The following PRKG1 variants were observed in gnomAD, a reference collection of about 807,000 sequenced individuals.
The protein encoded by PRKG1 is cGMP-dependent protein kinase 1.
In PRKG1, 35 loss-of-function variants were observed where a neutral mutation model predicts 88.1. The observed-to-expected ratio is 0.40, with a 90% CI of 0.30 to 0.53. The LOEUF (loss-of-function observed/expected upper bound fraction) is 0.53, where lower values mean the gene tolerates loss of function less well. Among genes scored for constraint, PRKG1 ranks in the 20% least tolerant of loss-of-function variants. The probability of loss-of-function intolerance (pLI) is 0.59; values close to 1 mark genes in which losing one functional copy is unlikely to be tolerated. For synonymous variants in PRKG1, 303 were observed against 292.5 expected (o/e 1.04, Z -0.37); for missense variants, 540 against 839.8 (o/e 0.64, Z 4.41).
At chr10:51,535,816 C>T (rs1365955828) in intron 3 of PRKG1, among the ~76,000 whole-genome samples, 2 of 151,166 alleles carry the variant, frequency 1.3e-5, no homozygotes, top group Admixed American at 6.6e-5. Context: ...CTCCGCCTCC[C>T]GGTTCAAGCA....
chr10:51,272,166 C>T (rs1839996725), intron 2 of PRKG1, among the ~76,000 whole-genome samples: 1 of 152,134 alleles, frequency 6.6e-6, no homozygotes, highest in African/African-American at 2.4e-5. Context: ...CTCTAATGAC[C>T]AGTGATGATT....
intron 2 of PRKG1, among the ~76,000 whole-genome samples, chr10:51,379,744 A>C (rs2132625777): frequency 6.6e-6 from 1 of 152,314 alleles, no homozygotes; most frequent in Admixed American, 6.5e-5. Context: ...TGAGAGAGTA[A>C]GGCTGTCAGG....
At chr10:51,686,302 AC>A (rs1840989046) in intron 3 of PRKG1, among the ~76,000 whole-genome samples, 1 of 151,592 alleles carries the variant, frequency 6.6e-6, no homozygotes, top group Non-Finnish European at 1.5e-5. Flanking sequence ...CTCCCTCTTC[AC>A]CCCCATCAAG....
intron 2 of PRKG1, among the ~76,000 whole-genome samples, chr10:51,210,218 G>A (rs544168278): frequency 6.6e-6 from 1 of 152,040 alleles, no homozygotes; most frequent in Non-Finnish European, 1.5e-5. Context: ...AATGACTACC[G>A]GGTACATAAC....
chr10:51,915,055 T>G lies in PRKG1; in HGVS notation c.762+7485T>G, dbSNP rs558155285. The stretch of plus-strand genomic sequence containing the variant: ...ATGTAGCCAACTTACTCTTACTTGC[T>G]GCCAGGTCCAGCAGGCTGATTAAAT... On this transcript the variant is annotated intron_variant, in intron 5 of 17. Coordinates refer to ENST00000373980, the MANE Select transcript of PRKG1 (RefSeq NM_006258.4). 9.8e-5 allele frequency among the ~76,000 whole-genome samples: 15 copies of G among 152,346 alleles called. No individual in the cohort carries two copies. In the South Asian group the frequency reaches 2.7e-3, roughly 27 times the overall value.
intron 5 of PRKG1, among the ~76,000 whole-genome samples, chr10:52,040,627 G>A (rs1245444120): frequency 2.0e-5 from 3 of 152,080 alleles, no homozygotes; most frequent in Non-Finnish European, 4.4e-5. Context: ...AAGGAAATGG[G>A]AACAGTTTGA....
chr10:51,165,609 TAA>T (rs1382321501), intron 2 of PRKG1, among the ~76,000 whole-genome samples: 2 of 151,898 alleles, frequency 1.3e-5, no homozygotes, highest in Non-Finnish European at 2.9e-5. Context: ...GCAAATTGGA[TAA>T]AGAGTCAAGA....
chr10:51,269,758 T>C (rs1839928663), intron 2 of PRKG1, among the ~76,000 whole-genome samples: 1 of 152,120 alleles, frequency 6.6e-6, no homozygotes, highest in African/African-American at 2.4e-5. Context: ...ACGTGTTGGG[T>C]ACAGTACACA....
intron 2 of PRKG1, among the ~76,000 whole-genome samples, chr10:51,249,190 A>G (rs1159858934): frequency 6.6e-6 from 1 of 151,862 alleles, no homozygotes; most frequent in Non-Finnish European, 1.5e-5. Flanking sequence ...GGGGCAAAAA[A>G]ATTTTAGTTT....
chr10:51,973,589 T>C (rs953374105), intron 5 of PRKG1, among the ~76,000 whole-genome samples: 2 of 152,220 alleles, frequency 1.3e-5, no homozygotes, highest in Non-Finnish European at 2.9e-5. Context: ...TCCTCCATAG[T>C]GCTCTTGGCA....
intron 7 of PRKG1, among the ~76,000 whole-genome samples, chr10:52,075,541 C>G (rs1846607449): frequency 6.6e-6 from 1 of 152,158 alleles, no homozygotes; most frequent in Non-Finnish European, 1.5e-5. Flanking sequence ...GTATTGATAT[C>G]AAGTTAGACA....
At chr10:52,220,833 T>C (rs915368243) in intron 9 of PRKG1, among the ~76,000 whole-genome samples, 1 of 152,174 alleles carries the variant, frequency 6.6e-6, no homozygotes, top group African/African-American at 2.4e-5. Context: ...GGCATTTAGG[T>C]TGGTTCCATG....
At chr10:52,188,200 G>GTATATATATATGTGTATATATATAC (rs1839247990) in intron 9 of PRKG1, among the ~76,000 whole-genome samples, 5 of 80,990 alleles carry the variant, frequency 6.2e-5, no homozygotes, top group African/African-American at 1.6e-4. Context: ...ATGTGTGTGT[G>GTATATATATATGTGTATATATATAC]TATATATATA....
intron 8 of PRKG1, among the ~76,000 whole-genome samples, chr10:52,142,163 C>T (rs1182141752): frequency 3.3e-5 from 5 of 152,172 alleles, no homozygotes; most frequent in Middle Eastern, 3.4e-3. Context: ...ATGAGGAAGG[C>T]GAGTCCCAGA....
intron 9 of PRKG1, among the ~76,000 whole-genome samples, chr10:52,249,695 C>G (rs1371399999): frequency 1.3e-5 from 2 of 151,978 alleles, no homozygotes; most frequent in Admixed American, 1.3e-4. Flanking sequence ...TAGTGACGCA[C>G]ACGTGTAATC....
intron 4 of PRKG1, among the ~76,000 whole-genome samples, chr10:51,844,502 A>G (rs1243694310): frequency 6.6e-6 from 1 of 152,204 alleles, no homozygotes; most frequent in Non-Finnish European, 1.5e-5. Flanking sequence ...TTAATAGATT[A>G]TACTTATAGT....
chr10:51,323,204 C>T (rs1272069206), intron 2 of PRKG1, among the ~76,000 whole-genome samples: 6 of 152,050 alleles, frequency 3.9e-5, no homozygotes, highest in African/African-American at 7.2e-5. Flanking sequence ...AATATTGCTA[C>T]GATATGATAT....
chr10:51,220,704 A>G (rs1296710136), intron 2 of PRKG1, among the ~76,000 whole-genome samples: 1 of 152,194 alleles, frequency 6.6e-6, no homozygotes, highest in African/African-American at 2.4e-5. Flanking sequence ...TTTCACTTAT[A>G]TCTATCTAAG....
intron 3 of PRKG1, among the ~76,000 whole-genome samples, chr10:51,593,470 G>A (rs1195466521): frequency 6.6e-6 from 1 of 152,158 alleles, no homozygotes; most frequent in Non-Finnish European, 1.5e-5. Context: ...AAACTAATTA[G>A]TGTTGAGTGC....
Sources: allele counts gnomAD v4.1 joint callset (sites outside exome capture counted in the v4.1 genomes callset), GRCh38; gene constraint gnomAD v4.1.1; transcripts MANE v1.5; gene names NCBI Gene and HGNC (gene_info 2026-07-23, HGNC 2026-07-21).